Variants in GSE1 observed in about 807,000 individuals in gnomAD.
GSE1 encodes Gse1 coiled-coil protein.
Under a neutral mutation model 112.6 loss-of-function variants are expected in GSE1, and 32 were observed. The ratio of observed to expected loss-of-function variants is 0.28; its 90% CI spans 0.21 to 0.38. The LOEUF (loss-of-function observed/expected upper bound fraction) is 0.38. Ranked by LOEUF, GSE1 falls within the 10% of genes least tolerant of loss-of-function variation. The pLI is 1.00. For missense variants in GSE1, 2,348 were observed against 1,699.2 expected (o/e 1.38, Z -6.71); for synonymous variants, 1,115 against 735.6 (o/e 1.52, Z -8.35).
At chr16:85,335,512 C>A (rs1442985175) in intron 1 of GSE1, among the ~76,000 whole-genome samples, 1 of 152,124 alleles carries the variant, frequency 6.6e-6, no homozygotes, top group Non-Finnish European at 1.5e-5. Flanking sequence ...GCTGGGTGGG[C>A]TGGGCTCCCT....
intron 1 of GSE1, chr16:85,283,000 G>A (rs2044899715): frequency 6.6e-6 from 1 of 152,436 alleles, no homozygotes; most frequent in East Asian, 1.9e-4. Flanking sequence ...AGGCTGGCCT[G>A]GGGTCGGGCA....
At chr16:85,360,767 C>T (rs966783353) in intron 2 of GSE1, among the ~76,000 whole-genome samples, 1 of 151,958 alleles carries the variant, frequency 6.6e-6, no homozygotes, top group Admixed American at 6.6e-5. Context: ...GGCACGGGTG[C>T]ACGCGTAAGT....
chr16:85,634,417 C>T (rs1211606453), intron 2 of GSE1, among the ~76,000 whole-genome samples: 1 of 152,176 alleles, frequency 6.6e-6, no homozygotes, highest in Admixed American at 6.5e-5. Context: ...CCTACCAGCT[C>T]TGTGACTTGA....
chr16:85,462,895 G>A (rs1266664601), intron 2 of GSE1, among the ~76,000 whole-genome samples: 1 of 150,120 alleles, frequency 6.7e-6, no homozygotes, highest in African/African-American at 2.4e-5. Context: ...AGGGCGCACC[G>A]CGCAGGGACG....
intron 1 of GSE1, among the ~76,000 whole-genome samples, chr16:85,287,884 A>G (rs890926449): frequency 6.6e-6 from 1 of 152,156 alleles, no homozygotes; most frequent in African/African-American, 2.4e-5. Context: ...GACTCAGAAT[A>G]ATGCCTGCGC....
intron 1 of GSE1, among the ~76,000 whole-genome samples, chr16:85,293,932 T>C (rs966654016): frequency 1.3e-5 from 2 of 152,194 alleles, no homozygotes; most frequent in African/African-American, 4.8e-5. Context: ...AAGGAGGTCA[T>C]GTGCTGAGTC....
intron 2 of GSE1, among the ~76,000 whole-genome samples, chr16:85,493,382 G>T (rs980435199): frequency 3.3e-5 from 5 of 151,952 alleles, no homozygotes; most frequent in African/African-American, 1.2e-4. Flanking sequence ...GGAGTTGGAG[G>T]CTGCAGTAAA....
intron 2 of GSE1, among the ~76,000 whole-genome samples, chr16:85,431,940 G>A (rs564590017): frequency 7.9e-5 from 12 of 152,344 alleles, no homozygotes; most frequent in African/African-American, 2.9e-4. Flanking sequence ...TTAATGAGTG[G>A]CGGGGCTGTG....
chr16:85,240,708 C>A (rs1347919902), intron 1 of GSE1, among the ~76,000 whole-genome samples: 1 of 152,182 alleles, frequency 6.6e-6, no homozygotes, highest in Non-Finnish European at 1.5e-5. Context: ...GGCATGCTGC[C>A]CATAAGGACT....
At chr16:85,331,581 G>A (rs202090998) in intron 1 of GSE1, among the ~76,000 whole-genome samples, 8 of 114,026 alleles carry the variant, frequency 7.0e-5, no homozygotes, top group East Asian at 4.5e-4. Flanking sequence ...ATGTGTACAT[G>A]TGTATATATG....
At chr16:85,270,763 G>A (rs1420231985) in intron 1 of GSE1, among the ~76,000 whole-genome samples, 1 of 125,976 alleles carries the variant, frequency 7.9e-6, no homozygotes, top group Admixed American at 7.7e-5. Flanking sequence ...GGTGTTTCCG[G>A]GGTGGGAGAG....
intron 2 of GSE1, among the ~76,000 whole-genome samples, chr16:85,531,968 A>G (rs2044152287): frequency 6.6e-6 from 1 of 152,116 alleles, no homozygotes; most frequent in African/African-American, 2.4e-5. Context: ...AAGGGGCGCG[A>G]GTAGGGGGGC....
At chr16:85,463,840 C>T (rs753466446) in intron 2 of GSE1, among the ~76,000 whole-genome samples, 2 of 152,072 alleles carry the variant, frequency 1.3e-5, no homozygotes, top group East Asian at 1.9e-4. Context: ...GCCACAGGTG[C>T]GGGTGTGAAG....
At chr16:85,245,962 G>T (rs1166682519) in intron 1 of GSE1, among the ~76,000 whole-genome samples, 1 of 151,208 alleles carries the variant, frequency 6.6e-6, no homozygotes, top group Non-Finnish European at 1.5e-5. Context: ...CAGGGCGTGT[G>T]TGTGTGGGGG....
At chr16:85,630,666 G>T (rs560395079) in intron 1 of GSE1, among the ~76,000 whole-genome samples, 1 of 152,148 alleles carries the variant, frequency 6.6e-6, no homozygotes, top group African/African-American at 2.4e-5. Flanking sequence ...TGTGTGGTGC[G>T]CGCACATGTG....
chr16:85,418,693 G>A (rs1319810573), intron 2 of GSE1, among the ~76,000 whole-genome samples: 1 of 152,186 alleles, frequency 6.6e-6, no homozygotes, highest in Non-Finnish European at 1.5e-5. Flanking sequence ...CCAAGGTACT[G>A]ATGCAGGATC....
chr16:85,375,163 C>G (rs372192472), intron 2 of GSE1, among the ~76,000 whole-genome samples: 1 of 152,178 alleles, frequency 6.6e-6, no homozygotes, highest in Non-Finnish European at 1.5e-5. Context: ...GGACACCCAG[C>G]TCAGGCTGTG....
At chr16:85,278,476 G>A (rs1909593061) in intron 1 of GSE1, among the ~76,000 whole-genome samples, 1 of 152,130 alleles carries the variant, frequency 6.6e-6, no homozygotes, top group South Asian at 2.1e-4. Flanking sequence ...TTTGAGCCTG[G>A]TCAGACTCTA....
At chr16:85,624,863 C>A (rs1024168559) in intron 1 of GSE1, among the ~76,000 whole-genome samples, 1 of 152,230 alleles carries the variant, frequency 6.6e-6, no homozygotes, top group Non-Finnish European at 1.5e-5. Context: ...GGGAATCGGC[C>A]GGCATGGGTG....
Sources: allele counts gnomAD v4.1 joint callset (sites outside exome capture counted in the v4.1 genomes callset), GRCh38; gene constraint gnomAD v4.1.1; transcripts MANE v1.5; gene names NCBI Gene and HGNC (gene_info 2026-07-23, HGNC 2026-07-21).